The following TTC3 variants were observed in gnomAD, a reference collection of about 807,000 sequenced individuals.
The protein encoded by TTC3 is tetratricopeptide repeat domain 3.
A neutral mutation model predicts 249.6 loss-of-function variants in TTC3; 180 were observed. The observed-to-expected ratio is 0.72, with a 90% confidence interval of 0.64 to 0.82. The LOEUF (loss-of-function observed/expected upper bound fraction) is 0.82. Ranked by LOEUF, TTC3 falls within the 40% of genes least tolerant of loss-of-function variation. The pLI is 0.00. For missense variants in TTC3, 2,061 were observed against 2,398.4 expected (o/e 0.86, Z 2.94); for synonymous variants, 717 against 805.0 (o/e 0.89, Z 1.85).
At chr21:37,156,103 C>T (rs1480204809) in intron 27 of TTC3, among the ~76,000 whole-genome samples, 1 of 151,722 alleles carries the variant, frequency 6.6e-6, no homozygotes, top group Non-Finnish European at 1.5e-5. Flanking sequence ...GTGGCGCCGT[C>T]ATAGCTCACT....
exon 5 of TTC3, chr21:37,088,847 G>C (rs1568871879): frequency 1.2e-6 from 2 of 1,613,838 alleles, no homozygotes; most frequent in Non-Finnish European, 1.7e-6. Flanking sequence ...AACATCTTGA[G>C]TTGATGGAAG....
chr21:37,132,868 T>G, intron 17 of TTC3, 102 bp downstream of exon 17: 2 of 843,374 alleles, frequency 2.4e-6, no homozygotes, highest in Non-Finnish European at 3.5e-6. Flanking sequence ...GTTTTTTTTA[T>G]ATAATTATTG....
At chr21:37,134,536 GA>G (rs2077755670) in intron 17 of TTC3, among the ~76,000 whole-genome samples, 1 of 152,036 alleles carries the variant, frequency 6.6e-6, no homozygotes, top group African/African-American at 2.4e-5. Context: ...CCTCCTTTTG[GA>G]TCTTCATTGT....
intron 10 of TTC3, among the ~76,000 whole-genome samples, chr21:37,099,381 A>G (rs566674281): frequency 6.6e-5 from 10 of 152,236 alleles, no homozygotes; most frequent in Non-Finnish European, 1.5e-4. Context: ...AGGGAGGCCA[A>G]GCAAAGTGTC....
At chr21:37,146,870 A>G (rs2079030614) in intron 21 of TTC3, among the ~76,000 whole-genome samples, 1 of 152,212 alleles carries the variant, frequency 6.6e-6, no homozygotes, top group South Asian at 2.1e-4. Context: ...AGCTATTATA[A>G]AAAATACAAC....
chr21:37,178,155 C>T (rs568105598), intron 35 of TTC3, among the ~76,000 whole-genome samples: 19 of 152,296 alleles, frequency 1.2e-4, no homozygotes, highest in African/African-American at 4.6e-4. Flanking sequence ...ATCAGTGTGT[C>T]ATTCCTTTTT....
intron 11 of TTC3, among the ~76,000 whole-genome samples, chr21:37,114,505 T>C (rs1247077087): frequency 6.6e-6 from 1 of 152,188 alleles, no homozygotes; most frequent in Admixed American, 6.5e-5. Flanking sequence ...CCATTTAGAA[T>C]GGCAATCATT....
At chr21:37,094,054 A>C (rs1288353401) in exon 8 of TTC3, 1 of 1,608,348 alleles carries the variant, frequency 6.2e-7, no homozygotes, top group East Asian at 2.2e-5. Flanking sequence ...ATTTGCTTGA[A>C]GAACTTAAAA....
chr21:37,136,947 T>C (rs1245652137), intron 18 of TTC3, among the ~76,000 whole-genome samples: 4 of 152,214 alleles, frequency 2.6e-5, no homozygotes, highest in Admixed American at 2.0e-4. Flanking sequence ...TTAAGAATTA[T>C]GCTAATTCAC....
rs148654526 is a variant in TTC3 at position 37,140,828 on chromosome 21, G to A, written c.1772+155G>A. 1.5e-3 allele frequency among the ~76,000 whole-genome samples: 223 copies of A among 152,250 alleles called. 2 individuals are homozygous for A. Among genetic ancestry groups the A allele is most frequent in the African/African-American group, 4.9e-3 (204 of 41,558 alleles). On this transcript the variant is annotated intron_variant, in intron 20 of 45. Coordinates refer to ENST00000355666, the Ensembl canonical transcript of TTC3. ...TTGAGGACCTGAAATTTCACTATCAGTATTAATTGTTAAAGCAAGGCCAGT... is the reference window on the plus strand; with the variant it reads ...TTGAGGACCTGAAATTTCACTATCAATATTAATTGTTAAAGCAAGGCCAGT...
intron 1 of TTC3, among the ~76,000 whole-genome samples, chr21:37,074,234 G>T (rs997477322): frequency 2.0e-5 from 3 of 152,254 alleles, no homozygotes; most frequent in Admixed American, 1.3e-4. Flanking sequence ...GACGCTAATG[G>T]GAAGGGGGGT....
chr21:37,166,089 C>A (rs1477960173), exon 33 of TTC3: 2 of 1,614,108 alleles, frequency 1.2e-6, no homozygotes, highest in East Asian at 4.5e-5. Context: ...AAGCGAGTCT[C>A]CTGTAATTCC....
intron 10 of TTC3, chr21:37,098,617 A>G (rs1357197179): frequency 6.6e-6 from 1 of 152,186 alleles, no homozygotes; most frequent in Admixed American, 6.5e-5. Context: ...ACCAATATAT[A>G]TTGGATGCCT....
chr21:37,153,066 A>G, exon 27 of TTC3: 1 of 1,613,894 alleles, frequency 6.2e-7, no homozygotes, highest in South Asian at 1.1e-5. Context: ...TGCTTCTCAA[A>G]GAATTGCTTT....
chr21:37,147,223 CA>C (rs2079055941), intron 21 of TTC3, among the ~76,000 whole-genome samples: 2 of 152,120 alleles, frequency 1.3e-5, no homozygotes, highest in African/African-American at 2.4e-5. Flanking sequence ...ATGATTGTAA[CA>C]GGACAAAATT....
chr21:37,186,883 C>G (rs2083354230), intron 37 of TTC3, among the ~76,000 whole-genome samples, 166 bp from the exon 38 acceptor site: 1 of 152,202 alleles, frequency 6.6e-6, no homozygotes, highest in Non-Finnish European at 1.5e-5. Flanking sequence ...AAAGAGCACA[C>G]TTGAGCCTGT....
intron 11 of TTC3, among the ~76,000 whole-genome samples, chr21:37,116,288 ATATC>A (rs1034649702): frequency 6.6e-6 from 1 of 152,238 alleles, no homozygotes; most frequent in African/African-American, 2.4e-5. Context: ...GGCTGGAAAA[ATATC>A]TATCGAGTTC....
At chr21:37,177,357 G>C (rs905232057) in intron 35 of TTC3, among the ~76,000 whole-genome samples, 10 of 152,166 alleles carry the variant, frequency 6.6e-5, no homozygotes, top group African/African-American at 2.4e-4. Flanking sequence ...CCGGGCTGGG[G>C]AAGATAGACT....
rs779367632 is a variant in TTC3, at chr21:37,135,525, C to G, written c.1578+11C>G. 1 of 1,610,010 alleles carries G rather than the reference C, an allele frequency of 6.2e-7. No homozygotes were observed. The highest frequency in any genetic ancestry group is 1.1e-5 in the South Asian group (1 of 90,610). On this transcript the variant is annotated intron_variant, in intron 18 of 45. Transcript: ENST00000355666. Reference sequence around the variant, plus strand: ...CCTCAAAAAATAAAGGTAAATTTGCCATATCATAACTTGTTTATCAATGCT... The same window carrying G: ...CCTCAAAAAATAAAGGTAAATTTGCGATATCATAACTTGTTTATCAATGCT...
Sources: allele counts gnomAD v4.1 joint callset (sites outside exome capture counted in the v4.1 genomes callset), GRCh38; gene constraint gnomAD v4.1.1; transcripts MANE v1.5; gene names NCBI Gene and HGNC (gene_info 2026-07-23, HGNC 2026-07-21).